The following PLCB1 variants were observed in gnomAD, a reference collection of about 807,000 sequenced individuals.
The protein encoded by PLCB1 is 1-phosphatidylinositol 4,5-bisphosphate phosphodiesterase beta-1.
In PLCB1, 46 loss-of-function variants were observed where a neutral mutation model predicts 161.8. That is an observed-to-expected ratio of 0.28 (90% CI 0.22 to 0.36). The LOEUF (loss-of-function observed/expected upper bound fraction) is 0.36, where lower values mean the gene tolerates loss of function less well. Among genes scored for constraint, PLCB1 ranks in the 10% least tolerant of loss-of-function variants. PLCB1 has a pLI of 1.00. For missense variants in PLCB1, 1,016 were observed against 1,472.5 expected (o/e 0.69, Z 5.07); for synonymous variants, 517 against 503.7 (o/e 1.03, Z -0.35).
intron 1 of PLCB1, among the ~76,000 whole-genome samples, chr20:8,147,361 A>G (rs1314738776): frequency 6.6e-6 from 1 of 152,228 alleles, no homozygotes; most frequent in African/African-American, 2.4e-5. Flanking sequence ...AATATAGACC[A>G]TCTGAGAGCT....
At chr20:8,778,303 G>C (rs546371383) in intron 27 of PLCB1, among the ~76,000 whole-genome samples, 14 of 152,212 alleles carry the variant, frequency 9.2e-5, no homozygotes, top group African/African-American at 3.4e-4. Flanking sequence ...GCAGGAATAG[G>C]GGCCGAAGTC....
rs202198416 is a variant in PLCB1 at position 8,681,086 on chromosome 20, GTATATATA to G, written c.863-3819_863-3812del. On this transcript the variant is annotated intron_variant, in intron 9 of 31. Coordinates refer to ENST00000338037, the MANE Select transcript of PLCB1 (RefSeq NM_015192.4). ...TATATATGTGTGTATATGTGTGTGT[GTATATATA>G]TATATATATATATATATATATATAT... Among the ~76,000 whole-genome samples the G allele has an allele frequency of 2.7e-3, 198 of 73,844 alleles. 4 individuals are homozygous for G. The highest frequency in any genetic ancestry group is 5.4e-3 in the Admixed American group (34 of 6,338). 48.4% of individuals were successfully genotyped at this position (73,844 alleles called of 152,430 possible). A position where few individuals can be genotyped will look rare whatever the true frequency, so the allele number is the denominator to read the frequency against.
chr20:8,160,811 G>A (rs1323146481), intron 2 of PLCB1, among the ~76,000 whole-genome samples: 1 of 151,950 alleles, frequency 6.6e-6, no homozygotes, highest in African/African-American at 2.4e-5. Flanking sequence ...TTGATAGTTG[G>A]ATTATTTAAA....
At chr20:8,573,968 T>C (rs1986600224) in intron 3 of PLCB1, among the ~76,000 whole-genome samples, 1 of 142,708 alleles carries the variant, frequency 7.0e-6, no homozygotes, top group Non-Finnish European at 1.5e-5. Context: ...TAAATGTAGA[T>C]TTTTTTAAGG....
intron 31 of PLCB1, among the ~76,000 whole-genome samples, chr20:8,852,756 G>A (rs986182482): frequency 1.3e-5 from 2 of 152,224 alleles, no homozygotes; most frequent in Non-Finnish European, 2.9e-5. Flanking sequence ...GGTTTGTAAT[G>A]TTTATTGTTT....
intron 3 of PLCB1, among the ~76,000 whole-genome samples, chr20:8,514,363 C>T (rs1378494938): frequency 6.6e-6 from 1 of 150,802 alleles, no homozygotes; most frequent in Non-Finnish European, 1.5e-5. Flanking sequence ...TCACTTGAAC[C>T]TGGGAGGCGG....
chr20:8,738,247 G>GA (rs1389150344), intron 20 of PLCB1, among the ~76,000 whole-genome samples: 1 of 152,146 alleles, frequency 6.6e-6, no homozygotes, highest in East Asian at 1.9e-4. Context: ...AAAGTCATTT[G>GA]CTTTGAAAAC....
chr20:8,189,255 A>G (rs976634406), intron 2 of PLCB1, among the ~76,000 whole-genome samples: 5 of 151,050 alleles, frequency 3.3e-5, no homozygotes, highest in African/African-American at 1.2e-4. Flanking sequence ...TTGCCATTGG[A>G]GAGTTGGGGG....
chr20:8,755,885 A>G (rs1321325813), intron 23 of PLCB1, among the ~76,000 whole-genome samples: 1 of 152,260 alleles, frequency 6.6e-6, no homozygotes, highest in African/African-American at 2.4e-5. Context: ...AGGATCAATA[A>G]CAAGAGTGAC....
rs1988037879 is a variant in PLCB1, at chr20:8,882,668, C to A, written c.*819C>A. 6.6e-6 allele frequency: 1 copy of A among 152,316 alleles called. No individual in the cohort carries two copies. The highest frequency in any genetic ancestry group is 1.5e-5 in the Non-Finnish European group (1 of 68,016). 9.4% of individuals were successfully genotyped at this position (152,316 alleles called of 1,614,324 possible). On this transcript the variant is annotated 3_prime_UTR_variant, in exon 32 of 32. Coordinates refer to ENST00000338037, the MANE Select transcript of PLCB1 (RefSeq NM_015192.4). ...AAATGATCAAATAACTACAAATGAT[C>A]TGTTGAATAAAAATAGTTGAGCTGA...
At chr20:8,613,580 G>A (rs1987962493) in intron 3 of PLCB1, among the ~76,000 whole-genome samples, 1 of 152,170 alleles carries the variant, frequency 6.6e-6, no homozygotes, top group Non-Finnish European at 1.5e-5. Context: ...TTTAGCATTT[G>A]TAAGTCCTCA....
chr20:8,631,010 T>A (rs1488178025), intron 4 of PLCB1, among the ~76,000 whole-genome samples: 1 of 152,216 alleles, frequency 6.6e-6, no homozygotes, highest in Non-Finnish European at 1.5e-5. Flanking sequence ...AATGAAGCTA[T>A]GGAGAATATT....
At chr20:8,681,086 G>GTGTGTATATATATATATATA (rs1394518085) in intron 9 of PLCB1, among the ~76,000 whole-genome samples, 3 of 73,838 alleles carry the variant, frequency 4.1e-5, no homozygotes, top group South Asian at 4.3e-4. Flanking sequence ...ATGTGTGTGT[G>GTGTGTATATATATATATATA]TATATATATA....
At chr20:8,277,186 A>G (rs1324692062) in intron 2 of PLCB1, among the ~76,000 whole-genome samples, 2 of 151,698 alleles carry the variant, frequency 1.3e-5, no homozygotes, top group African/African-American at 4.8e-5. Flanking sequence ...TTTTTAGTAG[A>G]GACGGGGTTT....
intron 2 of PLCB1, among the ~76,000 whole-genome samples, chr20:8,362,815 G>GT (rs1986588128): frequency 6.6e-6 from 1 of 152,018 alleles, no homozygotes. Flanking sequence ...GACTTAAGTG[G>GT]TTTTCTTTCA....
chr20:8,353,873 G>A (rs1986269869), intron 2 of PLCB1, among the ~76,000 whole-genome samples: 2 of 152,030 alleles, frequency 1.3e-5, no homozygotes, highest in Non-Finnish European at 2.9e-5. Flanking sequence ...TAATATTAAA[G>A]TATCAATATT....
At chr20:8,412,188 G>A (rs2745762) in intron 3 of PLCB1, among the ~76,000 whole-genome samples, 3,053 of 152,264 alleles carry the variant, frequency 0.02, 109 homozygotes, top group African/African-American at 0.066. Context: ...AACCCATCAA[G>A]CACAATAGTT....
intron 19 of PLCB1, among the ~76,000 whole-genome samples, chr20:8,736,390 G>T (rs8117767): frequency 0.017 from 2,528 of 152,268 alleles, 73 homozygotes; most frequent in African/African-American, 0.056. Context: ...TAGGGGTAAT[G>T]ATAAACTTAT....
At chr20:8,483,627 T>C (rs1338635832) in intron 3 of PLCB1, among the ~76,000 whole-genome samples, 4 of 152,158 alleles carry the variant, frequency 2.6e-5, no homozygotes, top group African/African-American at 4.8e-5. Context: ...TATCTAAACT[T>C]ATAGATAACT....
Sources: allele counts gnomAD v4.1 joint callset (sites outside exome capture counted in the v4.1 genomes callset), GRCh38; gene constraint gnomAD v4.1.1; transcripts MANE v1.5; gene names NCBI Gene and HGNC (gene_info 2026-07-23, HGNC 2026-07-21).